Variants in CHD6 observed in about 807,000 individuals in gnomAD.
CHD6 encodes ATP-dependent chromatin remodeler CHD6.
Under a neutral mutation model 276.9 loss-of-function variants are expected in CHD6, and 50 were observed. That is an observed-to-expected ratio of 0.18 (90% CI 0.14 to 0.23). The LOEUF is 0.23. Among genes scored for constraint, CHD6 ranks in the 10% least tolerant of loss-of-function variants. The pLI is 1.00. For synonymous variants in CHD6, 1,173 were observed against 1,229.3 expected, an observed-to-expected ratio of 0.95 and a Z score of 0.96; for missense variants, 2,564 against 3,365.8, an observed-to-expected ratio of 0.76 and a Z score of 5.89.
chr20:41,460,796 C>G (rs532769935), intron 17 of CHD6, among the ~76,000 whole-genome samples: 1 of 152,340 alleles, frequency 6.6e-6, no homozygotes, highest in African/African-American at 2.4e-5. Context: ...CACAGAGTCC[C>G]TACTTGGTCA....
chr20:41,533,694 T>C (rs987571262), intron 2 of CHD6, 124 bp from the exon 3 acceptor site: 42 of 871,248 alleles, frequency 4.8e-5, no homozygotes, highest in East Asian at 7.8e-5. Context: ...TCTCTGTTAG[T>C]TCCTATTGTG....
In CHD6 at chr20:41,516,596, C is replaced by G. The variant is rs776851837; in HGVS notation, c.555-1644G>C. ...GACAAGATGTGAACCCGAGTGGAGT[C>G]TGTGCTCTTGATCATAGCATTCTTG... On this transcript the variant is annotated intron_variant, in intron 3 of 36. Coordinates refer to ENST00000373233, the MANE Select transcript of CHD6 (RefSeq NM_032221.5). Among the ~76,000 whole-genome samples the G allele has an allele frequency of 3.9e-5, 6 of 152,160 alleles. No homozygotes were observed. The South Asian group carries it at 1.2e-3, about 32-fold the overall frequency.
rs2145467681 is a variant in CHD6, at chr20:41,421,259, G to A, written c.5376C>T (p.Cys1792=). 6.2e-7 allele frequency: 1 copy of A among 1,614,010 alleles called. No individual in the cohort carries two copies. The highest frequency in any genetic ancestry group is 1.6e-4 in the Middle Eastern group (1 of 6,062). Residue 1792 remains cysteine (C), a synonymous_variant, in exon 31 of 37, where the codon TGC becomes TGT. Coordinates refer to ENST00000373233, the MANE Select transcript of CHD6 (RefSeq NM_032221.5). ...TTTCAGGTCTCTGTCCTGCCTCACTGCAGCAGAGCTCCCCTTCCTTTGAAA... is the reference window on the plus strand; with the variant it reads ...TTTCAGGTCTCTGTCCTGCCTCACTACAGCAGAGCTCCCCTTCCTTTGAAA... ...MSISKEGELC[C]SEAGQRPENI...
intron 1 of CHD6, among the ~76,000 whole-genome samples, chr20:41,555,438 G>A (rs1020296520): frequency 1.3e-5 from 2 of 149,624 alleles, no homozygotes; most frequent in Non-Finnish European, 2.9e-5. Context: ...CCCGGACGGG[G>A]TGGCTGCCGG....
chr20:41,608,529 G>A lies in CHD6; in HGVS notation c.-24+9811C>T, dbSNP rs575252356. Among the ~76,000 whole-genome samples, 16 of 152,214 alleles carry A rather than the reference G, an allele frequency of 1.1e-4. No individual in the cohort carries two copies. The South Asian group carries it at 2.5e-3, about 24-fold the overall frequency. On this transcript the variant is annotated intron_variant, in intron 1 of 36. Transcript: ENST00000373233. ...GAATTTTTAAGGGAAATTCTCCTACGTGGGTTTTCAGGACCCTAATCCTTG... is the reference window on the plus strand; with the variant it reads ...GAATTTTTAAGGGAAATTCTCCTACATGGGTTTTCAGGACCCTAATCCTTG...
At chr20:41,573,527 T>C (rs974867454) in intron 1 of CHD6, among the ~76,000 whole-genome samples, 5 of 151,974 alleles carry the variant, frequency 3.3e-5, no homozygotes, top group Admixed American at 6.6e-5. Flanking sequence ...CCAGACCAAG[T>C]GACAAAGAAG....
rs2048046757 is a variant in CHD6 at position 41,445,739 on chromosome 20, T to A, written c.3803A>T (p.Asp1268Val). 5.6e-6 allele frequency: 9 copies of A among 1,613,602 alleles called. No homozygotes were observed. Among genetic ancestry groups the A allele is most frequent in the Non-Finnish European group, 7.6e-6 (9 of 1,179,562 alleles). ...RELDVPLPDI[D>V]YMEIPVDWWD... ...CCAGTCCACTGGGATCTCCATGTAG[T>A]CGATGTCAGGCAGAGGTACATCCAG... Residue 1268 changes from aspartate (D) to valine (V), a missense_variant, in exon 25 of 37, where the codon GAC becomes GTC. This residue lies in a region of CHD6 where 515 missense variants were observed against 739.5 expected (regional missense o/e 0.70). Coordinates refer to ENST00000373233, the MANE Select transcript of CHD6 (RefSeq NM_032221.5).
At chr20:41,582,616 A>C (rs956310035) in intron 1 of CHD6, among the ~76,000 whole-genome samples, 1 of 152,242 alleles carries the variant, frequency 6.6e-6, no homozygotes, top group African/African-American at 2.4e-5. Flanking sequence ...AAGCAAAAGC[A>C]GGGAAGAACC....
Position 41,404,521 on chromosome 20 carries a change from G to A in CHD6, c.*72C>T, listed in dbSNP as rs1342431278. 3.5e-6 allele frequency: 5 copies of A among 1,441,810 alleles called. No homozygotes were observed. In the African/African-American group the frequency reaches 7.1e-5, roughly 20 times the overall value. The allele number at this position is 1,441,810 out of a possible 1,614,324, so 89.3% of individuals were successfully genotyped here. The stretch of plus-strand genomic sequence containing the variant: ...AAACACAGGTTCTTATGGAGGTGAA[G>A]TGAGGGAAGTAACAAACCTTTATGG... On this transcript the variant is annotated 3_prime_UTR_variant, in exon 37 of 37. Coordinates refer to ENST00000373233, the MANE Select transcript of CHD6 (RefSeq NM_032221.5).
chr20:41,457,833 T>C (rs1467414814), intron 17 of CHD6, among the ~76,000 whole-genome samples: 1 of 152,202 alleles, frequency 6.6e-6, no homozygotes, highest in African/African-American at 2.4e-5. Flanking sequence ...TTTTCAAACA[T>C]AGATCAAAAT....
chr20:41,586,720 C>G (rs76076059), intron 1 of CHD6, among the ~76,000 whole-genome samples: 5,861 of 152,174 alleles, frequency 0.039, 132 homozygotes, highest in Middle Eastern at 0.071. Flanking sequence ...TATCAACAGA[C>G]CAAAGGAAAA....
chr20:41,438,418 C>T (rs539514999), intron 26 of CHD6, among the ~76,000 whole-genome samples: 177 of 152,010 alleles, frequency 1.2e-3, no homozygotes, highest in African/African-American at 3.0e-3. Context: ...GGTGAAACCC[C>T]GTCTCTACTA....
At chr20:41,417,460 C>A in intron 31 of CHD6, 111 bp from the exon 32 acceptor site, 4 of 890,866 alleles carry the variant, frequency 4.5e-6, no homozygotes, top group Non-Finnish European at 6.7e-6. Flanking sequence ...TTAGCTCATT[C>A]TGTGCTATTT....
intron 16 of CHD6, among the ~76,000 whole-genome samples, chr20:41,476,891 C>T (rs1278709453): frequency 1.3e-5 from 2 of 151,846 alleles, no homozygotes; most frequent in African/African-American, 2.4e-5. Context: ...TGTATACATA[C>T]ATCTATACAT....
At chr20:41,484,327 T>C in intron 15 of CHD6, 25 bp downstream of exon 15, 1 of 1,612,800 alleles carries the variant, frequency 6.2e-7, no homozygotes, top group Non-Finnish European at 8.5e-7. Context: ...CAGTCCTGAG[T>C]TACTTCCTAG....
intron 35 of CHD6, 139 bp from the exon 36 acceptor site, chr20:41,412,402 A>C: frequency 2.2e-6 from 2 of 927,162 alleles, no homozygotes; most frequent in Non-Finnish European, 1.6e-6. Flanking sequence ...AAACTAAAGG[A>C]AATAGCCACC....
At chr20:41,502,956 G>C (rs2043872982) in intron 5 of CHD6, among the ~76,000 whole-genome samples, 1 of 152,158 alleles carries the variant, frequency 6.6e-6, no homozygotes, top group Non-Finnish European at 1.5e-5. Context: ...CAGTGAGCGA[G>C]ACCATGCCAC....
At chr20:41,451,146 G>GC (rs200097099) in intron 22 of CHD6, 41 bp from the exon 23 acceptor site, 1 of 1,586,162 alleles carries the variant, frequency 6.3e-7, no homozygotes, top group African/African-American at 1.3e-5. Context: ...GATAGCCAAG[G>GC]GGGGTGTTAC....
intron 1 of CHD6, among the ~76,000 whole-genome samples, chr20:41,597,118 A>G (rs1464519736): frequency 1.3e-5 from 2 of 152,202 alleles, no homozygotes; most frequent in Non-Finnish European, 2.9e-5. Flanking sequence ...GTGGAAGAAT[A>G]GGTCACTTCA....
Sources: allele counts gnomAD v4.1 joint callset (sites outside exome capture counted in the v4.1 genomes callset), GRCh38; gene constraint gnomAD v4.1.1; regional missense constraint gnomAD v4.1.1; transcripts MANE v1.5; gene names NCBI Gene and HGNC (gene_info 2026-07-23, HGNC 2026-07-21).